Variants in DROSHA observed in about 807,000 individuals in gnomAD.
DROSHA encodes the protein drosha ribonuclease III.
Under a neutral mutation model 181.9 loss-of-function variants are expected in DROSHA, and 56 were observed. That is an observed-to-expected ratio of 0.31 (90% CI 0.25 to 0.38). DROSHA has a LOEUF of 0.38. DROSHA is among the 10% of genes least tolerant of loss of function. The pLI, the probability that DROSHA is intolerant of heterozygous loss-of-function variation, is 1.00. For missense variants in DROSHA, 1,218 were observed against 1,743.5 expected (o/e 0.70, Z 5.37); for synonymous variants, 524 against 591.2 (o/e 0.89, Z 1.65).
chr5:31,438,823 C>T (rs1044032229), intron 23 of DROSHA, among the ~76,000 whole-genome samples: 4 of 151,818 alleles, frequency 2.6e-5, no homozygotes, highest in Non-Finnish European at 5.9e-5. Flanking sequence ...CAGGGAGTGC[C>T]GAAGTTGAGA....
chr5:31,462,312 C>A (rs1222256), intron 20 of DROSHA, among the ~76,000 whole-genome samples: 13,278 of 152,118 alleles, frequency 0.087, 1,022 homozygotes, highest in East Asian at 0.22. Flanking sequence ...AGAATGGAAG[C>A]ATGGCTTCTA....
intron 28 of DROSHA, among the ~76,000 whole-genome samples, chr5:31,423,624 T>C (rs1486993160): frequency 1.3e-5 from 2 of 152,186 alleles, no homozygotes; most frequent in Non-Finnish European, 2.9e-5. Context: ...AAAATGAACA[T>C]TTGCAACAAC....
intron 25 of DROSHA, among the ~76,000 whole-genome samples, chr5:31,432,407 C>T (rs541220617): frequency 3.0e-4 from 45 of 152,298 alleles, no homozygotes; most frequent in Middle Eastern, 3.4e-3. Context: ...GCTGGGATTA[C>T]AGGTGTGAGC....
At chr5:31,516,411 A>G (rs1230880996) in intron 6 of DROSHA, among the ~76,000 whole-genome samples, 1 of 152,218 alleles carries the variant, frequency 6.6e-6, no homozygotes, top group Non-Finnish European at 1.5e-5. Context: ...AGTTACTACT[A>G]TCCATGTAAG....
chr5:31,479,161 T>C (rs1230429228), intron 16 of DROSHA, among the ~76,000 whole-genome samples: 1 of 152,164 alleles, frequency 6.6e-6, no homozygotes, highest in Non-Finnish European at 1.5e-5. Context: ...TTGTGTAACA[T>C]ATTGTTATTC....
intron 5 of DROSHA, among the ~76,000 whole-genome samples, chr5:31,522,749 C>T (rs985662785): frequency 6.6e-6 from 1 of 152,202 alleles, no homozygotes; most frequent in African/African-American, 2.4e-5. Flanking sequence ...CGTGGTAGCA[C>T]TCCCTAGCTA....
intron 6 of DROSHA, among the ~76,000 whole-genome samples, chr5:31,516,608 C>A (rs1342606493): frequency 5.3e-5 from 8 of 151,920 alleles, no homozygotes; most frequent in Non-Finnish European, 8.8e-5. Flanking sequence ...GTTTTGTTAC[C>A]AGAAAAATTA....
rs1268727549 is a variant in DROSHA, at chr5:31,495,307, G to C, written c.1734C>G (p.Val578=). 1 of 1,613,898 alleles carries C rather than the reference G, an allele frequency of 6.2e-7. No individual in the cohort carries two copies. The highest frequency in any genetic ancestry group is 8.5e-7 in the Non-Finnish European group (1 of 1,179,842). Residue 578 remains valine (V), a synonymous_variant, in exon 12 of 36, where the codon GTC becomes GTG. Coordinates refer to ENST00000344624, the MANE Select transcript of DROSHA (RefSeq NM_001382508.1). Reference sequence around the variant, plus strand: ...TTACTAAAAAGTTCGTAGGCGGGGAGACTGTGATCCGGTAGTGGAAAAGTC... The same window carrying C: ...TTACTAAAAAGTTCGTAGGCGGGGACACTGTGATCCGGTAGTGGAAAAGTC... The part of the protein sequence containing the change: ...AGRLFHYRIT[V]SPPTNFLTDR...
At chr5:31,472,024 G>T in intron 17 of DROSHA, 39 bp downstream of exon 17, 1 of 1,517,798 alleles carries the variant, frequency 6.6e-7, no homozygotes, top group Non-Finnish European at 8.9e-7. Context: ...TGGAAAAGAA[G>T]GTCCTCCAGC....
chr5:31,530,228 C>T (rs1461367410), intron 3 of DROSHA, among the ~76,000 whole-genome samples: 1 of 152,034 alleles, frequency 6.6e-6, no homozygotes, highest in East Asian at 1.9e-4. Context: ...TCAAGCAATC[C>T]TCTCACCTCA....
chr5:31,446,538 T>A (rs1273867055), intron 23 of DROSHA, among the ~76,000 whole-genome samples: 1 of 151,134 alleles, frequency 6.6e-6, no homozygotes, highest in East Asian at 1.9e-4. Flanking sequence ...GTGTAAAATG[T>A]ATACTCTGAA....
intron 28 of DROSHA, 191 bp from the exon 29 acceptor site, chr5:31,423,135 AAAT>A: frequency 1.8e-6 from 1 of 544,910 alleles, no homozygotes; most frequent in Non-Finnish European, 3.1e-6. Context: ...AAGAAGGTTC[AAAT>A]AATATTTTCC....
intron 10 of DROSHA, among the ~76,000 whole-genome samples, chr5:31,507,907 A>T (rs933837223): frequency 2.6e-5 from 4 of 151,934 alleles, no homozygotes; most frequent in African/African-American, 9.7e-5. Flanking sequence ...GACGTTCTAT[A>T]AAAAAAAGAT....
intron 35 of DROSHA, among the ~76,000 whole-genome samples, chr5:31,404,294 T>C (rs1740393512): frequency 6.6e-6 from 1 of 152,162 alleles, no homozygotes; most frequent in South Asian, 2.1e-4. Context: ...AATCTCACTT[T>C]TATTTCACTC....
chr5:31,416,394 A>G (rs7737259), intron 30 of DROSHA, among the ~76,000 whole-genome samples: 5,397 of 152,302 alleles, frequency 0.035, 318 homozygotes, highest in African/African-American at 0.12. Context: ...TAGCAAAGAT[A>G]TACTGAGGGC....
chr5:31,422,734 G>A (rs1041367205), intron 29 of DROSHA, 53 bp downstream of exon 29: 2 of 1,603,332 alleles, frequency 1.2e-6, no homozygotes, highest in Non-Finnish European at 1.7e-6. Flanking sequence ...AAAGGTCTGG[G>A]ACTGCCTCAT....
Position 31,402,385 on chromosome 5 carries a change from C to T in DROSHA, c.3995-823G>A, listed in dbSNP as rs573235914. Among the ~76,000 whole-genome samples, 98 of 48,952 alleles carry T rather than the reference C, an allele frequency of 2.0e-3. 3 individuals carry two copies. In the South Asian group the frequency reaches 0.046, roughly 23 times the overall value. The allele number at this position is 48,952 out of a possible 152,430, so 32.1% of individuals were successfully genotyped here. A position where few individuals can be genotyped will look rare whatever the true frequency, so the allele number is the denominator to read the frequency against. ...AAAATAGGCGAGTAATGTACAATAA[C>T]ATTCTGAAAGACAGAGAAGGCACAG... On this transcript the variant is annotated intron_variant, in intron 35 of 35. Coordinates refer to ENST00000344624, the MANE Select transcript of DROSHA (RefSeq NM_001382508.1).
chr5:31,506,494 A>G lies in DROSHA; in HGVS notation c.1588-1859T>C, dbSNP rs905596093. Among the ~76,000 whole-genome samples the G allele has an allele frequency of 3.3e-5, 5 of 152,062 alleles. No individual in the cohort carries two copies. The East Asian group carries it at 9.7e-4, about 30-fold the overall frequency. ...GGAGTTCGAGAACAGCCTAGCCAACAGGGTGAAACCTCATCTCTACTAAAA... is the reference window on the plus strand; with the variant it reads ...GGAGTTCGAGAACAGCCTAGCCAACGGGGTGAAACCTCATCTCTACTAAAA... On this transcript the variant is annotated intron_variant, in intron 10 of 35. Coordinates refer to ENST00000344624, the MANE Select transcript of DROSHA (RefSeq NM_001382508.1).
intron 10 of DROSHA, 141 bp downstream of exon 10, chr5:31,508,480 G>A (rs1738257713): frequency 1.6e-6 from 2 of 1,234,280 alleles, no homozygotes; most frequent in South Asian, 3.0e-5. Flanking sequence ...ACCTGAAGCT[G>A]AAAAGAAATA....
Sources: gnomAD v4.1 joint callset for allele counts (sites outside exome capture counted in the v4.1 genomes callset) on GRCh38, gnomAD v4.1.1 for gene constraint, MANE v1.5 for transcripts, NCBI Gene and HGNC (gene_info 2026-07-23, HGNC 2026-07-21) for gene names.